The following DIS3L variants were observed in gnomAD, a reference collection of about 807,000 sequenced individuals.
DIS3L encodes DIS3-like exonuclease 1.
DIS3L carries 100 observed loss-of-function variants against 120.3 expected under a neutral mutation model. The ratio of observed to expected loss-of-function variants is 0.83; its 90% CI spans 0.71 to 0.98. DIS3L has a LOEUF of 0.98. DIS3L is among the 50% of genes least tolerant of loss of function. The probability of loss-of-function intolerance (pLI) is 0.00; values close to 1 mark genes in which losing one functional copy is unlikely to be tolerated. For synonymous variants in DIS3L, 426 were observed against 470.6 expected (o/e 0.91, Z 1.23); for missense variants, 1,196 against 1,314.2 (o/e 0.91, Z 1.39).
At position 66,318,354 on chromosome 15, in the gene DIS3L, A is replaced by G. The variant is rs1372573006; in HGVS notation, c.995-95A>G. On this transcript the variant is annotated intron_variant, in intron 7 of 16. Transcript: ENST00000319212. ...TGCTTGAAAAAAAATAGGACACTGT[A>G]TTTCTTGTTCTTTTCCTTACTGCTT... 6.5e-6 allele frequency: 9 copies of G among 1,394,810 alleles called. No homozygotes were observed. The Admixed American group carries it at 2.1e-4, about 32-fold the overall frequency. 86.4% of individuals were successfully genotyped at this position (1,394,810 alleles called of 1,614,324 possible).
intron 1 of DIS3L, 23 bp downstream of exon 1, chr15:66,293,758 G>A (rs1595704903): frequency 1.7e-6 from 2 of 1,179,400 alleles, no homozygotes; most frequent in Non-Finnish European, 2.1e-6. Context: ...GCGGGGGCGG[G>A]GACGGGGCCG....
intron 3 of DIS3L, among the ~76,000 whole-genome samples, chr15:66,307,975 C>G (rs916363469): frequency 1.3e-5 from 2 of 152,108 alleles, no homozygotes; most frequent in Non-Finnish European, 2.9e-5. Flanking sequence ...GAGTTCGAGA[C>G]CGGCCTGGAT....
In DIS3L at chr15:66,314,062, C is replaced by G. The variant is rs767695458; in HGVS notation, c.759C>G (p.His253Gln). 1.3e-6 allele frequency: 2 copies of G among 1,542,978 alleles called. No homozygotes were observed. The highest frequency in any genetic ancestry group is 2.5e-5 in the South Asian group (2 of 80,400). ...YIQGILNVNK[H>Q]RAQIEAFVRL... ...AGGGAATTCTGAATGTCAACAAACA[C>G]AGAGCCCAAATAGAAGCTTTTGTTC... is the stretch of plus-strand genomic sequence containing the variant. Residue 253 changes from histidine to glutamine, a missense_variant, in exon 6 of 17, where the codon CAC becomes CAG. Transcript: ENST00000319212.
rs576165831 is a variant in DIS3L, at chr15:66,298,032, C to T, written c.293+2891C>T. Among the ~76,000 whole-genome samples the T allele has an allele frequency of 3.9e-5, 6 of 151,978 alleles. No homozygotes were observed. In the East Asian group the frequency reaches 9.6e-4, roughly 24 times the overall value. The stretch of plus-strand genomic sequence containing the variant: ...CTGTCACTACTAAAGATACAAAATG[C>T]GCGAGATGACGTGGCGCATGCCAGT... On this transcript the variant is annotated intron_variant, in intron 2 of 16. Coordinates refer to ENST00000319212, the MANE Select transcript of DIS3L (RefSeq NM_001143688.3).
chr15:66,309,094 A>AAATATATATATAT, intron 4 of DIS3L, among the ~76,000 whole-genome samples: 1 of 15,320 alleles, frequency 6.5e-5, no homozygotes. Flanking sequence ...AAAAAAAAAA[A>AAATATATATATAT]ATATATATAT....
intron 9 of DIS3L, among the ~76,000 whole-genome samples, chr15:66,321,590 C>T (rs190167501): frequency 2.2e-4 from 34 of 151,986 alleles, no homozygotes; most frequent in Admixed American, 7.9e-4. Flanking sequence ...GATGAAACCC[C>T]GTCTCTACTA....
At chr15:66,294,848 CCAAAGTAGATTTGTCTTTTA>C (rs1432176401) in intron 1 of DIS3L, 120 bp from the exon 2 acceptor site, 10 of 913,160 alleles carry the variant, frequency 1.1e-5, no homozygotes, top group Non-Finnish European at 1.4e-5. Flanking sequence ...TGGGCCTCTA[CCAAAGTAGATTTGTCTTTTA>C]AAAACTCCCA....
At chr15:66,309,043 A>T (rs1324731536) in intron 4 of DIS3L, among the ~76,000 whole-genome samples, 199 bp downstream of exon 4, 1 of 130,972 alleles carries the variant, frequency 7.6e-6, no homozygotes, top group Non-Finnish European at 1.6e-5. Flanking sequence ...TAGGAGTTCA[A>T]GATCAGCTGG....
intron 2 of DIS3L, among the ~76,000 whole-genome samples, chr15:66,302,220 T>C (rs2092655557): frequency 6.6e-6 from 1 of 152,062 alleles, no homozygotes. Flanking sequence ...CCAAAAAAAT[T>C]AGCTGAGCAT....
intron 4 of DIS3L, among the ~76,000 whole-genome samples, chr15:66,311,488 C>T (rs1191243140): frequency 2.0e-5 from 3 of 152,052 alleles, no homozygotes; most frequent in African/African-American, 2.4e-5. Flanking sequence ...CACAAAGTAG[C>T]CTAGGAGGTG....
chr15:66,295,077 G>A lies in DIS3L; in HGVS notation c.229G>A (p.Glu77Lys), dbSNP rs1205238044. 2 of 1,614,026 alleles carry A rather than the reference G, an allele frequency of 1.2e-6. No individual in the cohort carries two copies. The highest frequency in any genetic ancestry group is 2.2e-5 in the East Asian group (1 of 44,896). ...TTATCTTGAGATCCTTGAGTTTCCT[G>A]AGTTGAAGGGAATTATTTTCATGCA... ...QDYLEILEFP[E>K]LKGIIFMQTA... The change falls in exon 2 of 17, where the codon GAG becomes AAG. Residue 77 changes from glutamate to lysine, a missense_variant. Physicochemically the swap from Glu to Lys is moderately conservative, Grantham distance 56. Transcript: ENST00000319212.
intron 3 of DIS3L, among the ~76,000 whole-genome samples, chr15:66,307,970 C>T (rs960903062): frequency 3.3e-5 from 5 of 152,052 alleles, no homozygotes; most frequent in East Asian, 3.9e-4. Flanking sequence ...ATCAGGAGTT[C>T]GAGACCGGCC....
chr15:66,333,201 T>G lies in DIS3L; in HGVS notation c.3054T>G (p.Ile1018Met). 1 of 1,613,956 alleles carries G rather than the reference T, an allele frequency of 6.2e-7. No individual in the cohort carries two copies. The highest frequency in any genetic ancestry group is 8.5e-7 in the Non-Finnish European group (1 of 1,180,000). The change falls in exon 17 of 17, where the codon ATT (isoleucine) becomes ATG (methionine). Residue 1018 changes from isoleucine (I) to methionine (M), a missense_variant. Physicochemically the swap from Ile to Met is conservative, Grantham distance 10 (BLOSUM62 1). Transcript: ENST00000319212. ...QLAQEVKVNI[I>M]QEEYQEYRQT... is the part of the protein sequence containing the mutation. ...CCCAAGAAGTCAAAGTAAACATCAT[T>G]CAGGAGGAATATCAAGAATATCGCC... is the stretch of plus-strand genomic sequence containing the variant.
At chr15:66,317,639 G>A (rs1226525801) in intron 7 of DIS3L, among the ~76,000 whole-genome samples, 1 of 152,064 alleles carries the variant, frequency 6.6e-6, no homozygotes, top group Non-Finnish European at 1.5e-5. Context: ...GATTCTAAAT[G>A]TTATCTCAGG....
rs142188633 is a variant in DIS3L at position 66,296,949 on chromosome 15, G to A, written c.293+1808G>A. Among the ~76,000 whole-genome samples the A allele has an allele frequency of 5.1e-3, 782 of 152,334 alleles. 6 individuals are homozygous for A. The highest frequency in any genetic ancestry group is 8.2e-3 in the Non-Finnish European group (559 of 68,022). ...TAATTTAACGTGGACTATGCAAAGT[G>A]CAGAAGTAAACGTGGAGTGGAGCAA... On this transcript the variant is annotated intron_variant, in intron 2 of 16. Coordinates refer to ENST00000319212, the MANE Select transcript of DIS3L (RefSeq NM_001143688.3).
At chr15:66,318,120 C>T (rs557087674) in intron 7 of DIS3L, among the ~76,000 whole-genome samples, 1 of 152,186 alleles carries the variant, frequency 6.6e-6, no homozygotes, top group South Asian at 2.1e-4. Context: ...ATCACAGGCG[C>T]ACGCCACCAT....
intron 7 of DIS3L, among the ~76,000 whole-genome samples, chr15:66,317,087 A>G (rs2092824917): frequency 6.6e-6 from 1 of 152,008 alleles, no homozygotes. Context: ...TCACTGTTCA[A>G]ATGTCACTTT....
chr15:66,315,175 C>T lies in DIS3L; in HGVS notation c.954C>T (p.Asp318=). ...CCCTGTGTGAGAATGACTGTGACGA[C>T]AAGGCTTCGGGCGAGTCCCCAAGTG... ...TVALCENDCD[D]KASGESPSEP... is the part of the protein sequence containing the mutation. The change falls in exon 7 of 17, where the codon GAC becomes GAT. Residue 318 remains aspartate (D), a synonymous_variant. Coordinates refer to ENST00000319212, the MANE Select transcript of DIS3L (RefSeq NM_001143688.3). The T allele has an allele frequency of 6.2e-7, 1 of 1,614,006 alleles. No individual in the cohort carries two copies. The highest frequency in any genetic ancestry group is 8.5e-7 in the Non-Finnish European group (1 of 1,179,908).
At chr15:66,311,667 C>T in intron 4 of DIS3L, 57 bp from the exon 5 acceptor site, 2 of 1,597,702 alleles carry the variant, frequency 1.3e-6, no homozygotes, top group Non-Finnish European at 1.7e-6. Flanking sequence ...GTCATAGTAC[C>T]ATGGTGAAGA....
Sources: gnomAD v4.1 joint callset for allele counts (sites outside exome capture counted in the v4.1 genomes callset) on GRCh38, gnomAD v4.1.1 for gene constraint, MANE v1.5 for transcripts, NCBI Gene and HGNC (gene_info 2026-07-23, HGNC 2026-07-21) for gene names.